Variants in PHACTR3 observed in about 807,000 individuals in gnomAD.
PHACTR3 encodes protein phosphatase 1, regulatory subunit 123.
PHACTR3 carries 16 observed loss-of-function variants against 66.8 expected under a neutral mutation model. The ratio of observed to expected loss-of-function variants is 0.24; its 90% CI spans 0.16 to 0.36. PHACTR3 has a LOEUF of 0.36. PHACTR3 is among the 10% of genes least tolerant of loss of function. The probability of loss-of-function intolerance (pLI) is 1.00; values close to 1 mark genes in which losing one functional copy is unlikely to be tolerated. For synonymous variants in PHACTR3, 323 were observed against 292.1 expected (o/e 1.11, Z -1.08); for missense variants, 647 against 719.9 (o/e 0.90, Z 1.16).
At chr20:59,801,655 T>G (rs1366752021) in intron 7 of PHACTR3, among the ~76,000 whole-genome samples, 1 of 152,228 alleles carries the variant, frequency 6.6e-6, no homozygotes, top group African/African-American at 2.4e-5. Flanking sequence ...ACCAGATCAC[T>G]CCGCAGCTTT....
At chr20:59,821,430 A>G (rs1228283824) in intron 8 of PHACTR3, among the ~76,000 whole-genome samples, 1 of 152,154 alleles carries the variant, frequency 6.6e-6, no homozygotes, top group Admixed American at 6.5e-5. Flanking sequence ...CAAGTCCCAA[A>G]GGGGCATACA....
intron 12 of PHACTR3, among the ~76,000 whole-genome samples, chr20:59,846,314 G>T (rs960026317): frequency 6.6e-6 from 1 of 152,044 alleles, no homozygotes; most frequent in African/African-American, 2.4e-5. Context: ...CTTAACCAAT[G>T]GTTTTAGGGT....
chr20:59,750,872 CT>C (rs2039553964), intron 3 of PHACTR3, among the ~76,000 whole-genome samples: 1 of 152,228 alleles, frequency 6.6e-6, no homozygotes, highest in Non-Finnish European at 1.5e-5. Flanking sequence ...CACGCAGATG[CT>C]TGGCCACAGG....
At chr20:59,734,300 C>G (rs1006813879) in intron 1 of PHACTR3, among the ~76,000 whole-genome samples, 3 of 152,192 alleles carry the variant, frequency 2.0e-5, no homozygotes, top group African/African-American at 7.2e-5. Context: ...CTCTGTTGCC[C>G]AGGCTGGAGC....
intron 1 of PHACTR3, among the ~76,000 whole-genome samples, chr20:59,597,262 G>T (rs746671438): frequency 6.6e-6 from 1 of 152,254 alleles, no homozygotes; most frequent in Non-Finnish European, 1.5e-5. Context: ...ATCAATGCAT[G>T]TGAGGTCCTT....
Position 59,736,975 on chromosome 20 carries a change from G to A in PHACTR3, c.119-6132G>A, listed in dbSNP as rs1268774587. Among the ~76,000 whole-genome samples, 1 of 152,128 alleles carries A rather than the reference G, an allele frequency of 6.6e-6. No homozygotes were observed. The highest frequency in any genetic ancestry group is 6.5e-5 in the Admixed American group (1 of 15,270). ...CCCCTTGAGGAGCTGCTTAGACTAA[G>A]GCATCTGTCCTGGTCAATGCATTGG... On this transcript the variant is annotated intron_variant, in intron 1 of 12. Coordinates refer to ENST00000371015, the MANE Select transcript of PHACTR3 (RefSeq NM_080672.5). The surrounding 1 kb of genome is among the most constrained non-coding windows in gnomAD (Gnocchi z 4.6).
chr20:59,699,739 G>A (rs1350441720), intron 1 of PHACTR3, among the ~76,000 whole-genome samples: 1 of 152,126 alleles, frequency 6.6e-6, no homozygotes, highest in African/African-American at 2.4e-5. Flanking sequence ...CGAGGTGGGT[G>A]GATCATGAGG....
chr20:59,743,384 T>A lies in PHACTR3; in HGVS notation c.280+116T>A, dbSNP rs942106590. The A allele has an allele frequency of 1.2e-5, 16 of 1,326,626 alleles. No individual in the cohort carries two copies. In the South Asian group the frequency reaches 2.0e-4, roughly 17 times the overall value. The allele number at this position is 1,326,626 out of a possible 1,614,324, so 82.2% of individuals were successfully genotyped here. A position where few individuals can be genotyped will look rare whatever the true frequency, so the allele number is the denominator to read the frequency against. The stretch of plus-strand genomic sequence containing the variant: ...GGCCCCTACACAGGAGGGGCAGATG[T>A]GCTTCATGGCCTGTGATGGCCAGGA... On this transcript the variant is annotated intron_variant, in intron 2 of 12. Transcript: ENST00000371015.
intron 3 of PHACTR3, among the ~76,000 whole-genome samples, chr20:59,750,513 G>A (rs2039539848): frequency 6.6e-6 from 1 of 152,150 alleles, no homozygotes; most frequent in African/African-American, 2.4e-5. Flanking sequence ...GCGGTGGAAG[G>A]GACCTTGAGA....
At chr20:59,767,068 T>A in intron 4 of PHACTR3, 118 bp from the exon 5 acceptor site, 4 of 931,126 alleles carry the variant, frequency 4.3e-6, no homozygotes, top group Non-Finnish European at 5.0e-6. Flanking sequence ...CTGTGTGAGG[T>A]CACTGCTCTG....
chr20:59,777,447 A>G lies in PHACTR3; in HGVS notation c.1174+2957A>G, dbSNP rs371040030. 7.2e-4 allele frequency among the ~76,000 whole-genome samples: 110 copies of G among 151,968 alleles called. 1 individual carries two copies. The South Asian group carries it at 0.022, about 30-fold the overall frequency. ...GGATTTGACCCACAAAGTCCCCTCCATCCCTGAGATCTCTGTGGCTGGGCC... is the reference window on the plus strand; with the variant it reads ...GGATTTGACCCACAAAGTCCCCTCCGTCCCTGAGATCTCTGTGGCTGGGCC... On this transcript the variant is annotated intron_variant, in intron 7 of 12. Transcript: ENST00000371015.
chr20:59,753,165 T>A (rs1211293416), intron 3 of PHACTR3, among the ~76,000 whole-genome samples: 2 of 149,868 alleles, frequency 1.3e-5, no homozygotes, highest in Non-Finnish European at 3.0e-5. Context: ...AAAAAAAAAA[T>A]CAAGGGTTGC....
chr20:59,683,040 T>G (rs1191058763), intron 1 of PHACTR3, among the ~76,000 whole-genome samples: 2 of 152,144 alleles, frequency 1.3e-5, no homozygotes, highest in Non-Finnish European at 2.9e-5. Context: ...AGGCGGGAGA[T>G]GATGCTAACT....
intron 1 of PHACTR3, among the ~76,000 whole-genome samples, chr20:59,714,593 C>T (rs914515785): frequency 1.3e-5 from 2 of 152,186 alleles, no homozygotes; most frequent in Admixed American, 1.3e-4. Flanking sequence ...GATTTAAAAT[C>T]AGTCATGATA....
chr20:59,625,639 T>A (rs898293281), intron 1 of PHACTR3, among the ~76,000 whole-genome samples: 3 of 152,198 alleles, frequency 2.0e-5, no homozygotes, highest in African/African-American at 7.2e-5. Context: ...ATTGCCCATC[T>A]GAGCCCAGCT....
intron 1 of PHACTR3, among the ~76,000 whole-genome samples, chr20:59,585,048 G>A (rs961983106): frequency 4.6e-5 from 7 of 152,222 alleles, no homozygotes; most frequent in African/African-American, 1.7e-4. Context: ...GCCCCTGACA[G>A]CTTGGCTGGG....
intron 1 of PHACTR3, among the ~76,000 whole-genome samples, chr20:59,614,609 G>A (rs2033968258): frequency 6.6e-6 from 1 of 152,170 alleles, no homozygotes; most frequent in South Asian, 2.1e-4. Flanking sequence ...CCTAAGAAGT[G>A]TGTTTATTAT....
chr20:59,706,807 GCC>G (rs776636543), intron 1 of PHACTR3, among the ~76,000 whole-genome samples: 17 of 152,106 alleles, frequency 1.1e-4, no homozygotes, highest in Non-Finnish European at 1.9e-4. Flanking sequence ...GGGAAACCAT[GCC>G]CAGCCTGGTT....
intron 1 of PHACTR3, among the ~76,000 whole-genome samples, chr20:59,658,953 C>CTT (rs764286425): frequency 4.2e-4 from 55 of 131,252 alleles, no homozygotes; most frequent in African/African-American, 1.2e-3. Flanking sequence ...GCTTACTTGT[C>CTT]TTTTTTTTTT....
Sources: allele counts gnomAD v4.1 joint callset (sites outside exome capture counted in the v4.1 genomes callset), GRCh38; gene constraint gnomAD v4.1.1; non-coding constraint Gnocchi (gnomAD v3.1); transcripts MANE v1.5; gene names NCBI Gene and HGNC (gene_info 2026-07-23, HGNC 2026-07-21).